C11orf87: variants seen among roughly 807,000 people sequenced by gnomAD.
C11orf87 encodes the protein chromosome 11 open reading frame 87.
Under a neutral mutation model 9.2 loss-of-function variants are expected in C11orf87, and 3 were observed. The ratio of observed to expected loss-of-function variants is 0.33; its 90% CI spans 0.15 to 0.84. The LOEUF (loss-of-function observed/expected upper bound fraction) is 0.84. C11orf87 is among the 40% of genes least tolerant of loss of function. The pLI, the probability that C11orf87 is intolerant of heterozygous loss-of-function variation, is 0.55. For synonymous variants in C11orf87, 124 were observed against 124.6 expected, an observed-to-expected ratio of 1.00 and a Z score of 0.03; for missense variants, 256 against 270.7, an observed-to-expected ratio of 0.95 and a Z score of 0.38.
Position 109,429,056 on chromosome 11 carries a change from A to T in C11orf87, c.*4829A>T, listed in dbSNP as rs1860608299. 1 of 152,208 alleles carries T rather than the reference A, an allele frequency of 6.6e-6. No individual in the cohort carries two copies. Among genetic ancestry groups the T allele is most frequent in the Non-Finnish European group, 1.5e-5 (1 of 68,020 alleles). 9.4% of individuals were successfully genotyped at this position (152,208 alleles called of 1,614,324 possible). On this transcript the variant is annotated 3_prime_UTR_variant, in exon 2 of 2. Transcript: ENST00000327419. Reference sequence around the variant, plus strand: ...ATCCAATAGATAGAAGAAAAAAGATATTAGAATTCATGGAAATTTTGTTTT... The same window carrying T: ...ATCCAATAGATAGAAGAAAAAAGATTTTAGAATTCATGGAAATTTTGTTTT...
In C11orf87 at chr11:109,423,484, G is replaced by T. The variant is rs1171745170; in HGVS notation, c.-150G>T. On this transcript the variant is annotated 5_prime_UTR_variant, in exon 2 of 2. Coordinates refer to ENST00000327419, the MANE Select transcript of C11orf87 (RefSeq NM_207645.4). The surrounding 1 kb of genome is among the most constrained non-coding windows in gnomAD (Gnocchi z 5.3). ...TTGGTCGCCTTGCTTGCCAGCAGTT[G>T]CTCCCTTAGTCCTTGGCTCGCTCGC... The T allele has an allele frequency of 6.6e-6, 5 of 756,536 alleles. No homozygotes were observed. Among genetic ancestry groups the T allele is most frequent in the South Asian group, 5.8e-5 (3 of 51,786 alleles). 46.9% of individuals were successfully genotyped at this position (756,536 alleles called of 1,614,324 possible). A position where few individuals can be genotyped will look rare whatever the true frequency, so the allele number is the denominator to read the frequency against.
Position 109,427,196 on chromosome 11 carries a change from TAC to T in C11orf87, c.*2972_*2973del. ...TCTCAACGTGGGCACACATCTGTAATACACTTTTATTGTGCAACTTTAAATGT... is the reference window on the plus strand; with the variant it reads ...TCTCAACGTGGGCACACATCTGTAATACTTTTATTGTGCAACTTTAAATGT... On this transcript the variant is annotated 3_prime_UTR_variant, in exon 2 of 2. Transcript: ENST00000327419. The T allele has an allele frequency of 6.6e-6, 1 of 152,346 alleles. No homozygotes were observed. The highest frequency in any genetic ancestry group is 2.4e-5 in the African/African-American group (1 of 41,594). The allele number at this position is 152,346 out of a possible 1,614,324, so 9.4% of individuals were successfully genotyped here. A position where few individuals can be genotyped will look rare whatever the true frequency, so the allele number is the denominator to read the frequency against.
At chr11:109,422,795 G>A (rs1860510384) in intron 1 of C11orf87, among the ~76,000 whole-genome samples, 1 of 146,598 alleles carries the variant, frequency 6.8e-6, no homozygotes, top group African/African-American at 2.5e-5. Context: ...GAGATGGAGC[G>A]CGTTCCTGCG....
At position 109,424,281 on chromosome 11, in the gene C11orf87, G is replaced by A; in HGVS notation, c.*54G>A. 2.8e-6 allele frequency: 4 copies of A among 1,436,564 alleles called. No homozygotes were observed. The highest frequency in any genetic ancestry group is 2.9e-6 in the Non-Finnish European group (3 of 1,042,278). 89.0% of individuals were successfully genotyped at this position (1,436,564 alleles called of 1,614,324 possible). ...CGTTTCCAGCATCTTTGCCACCCTTGCTTTTTTCCTTCTTCCTTCCTTTTC... is the reference window on the plus strand; with the variant it reads ...CGTTTCCAGCATCTTTGCCACCCTTACTTTTTTCCTTCTTCCTTCCTTTTC... On this transcript the variant is annotated 3_prime_UTR_variant, in exon 2 of 2. Transcript: ENST00000327419. The surrounding 1 kb of genome is among the most constrained non-coding windows in gnomAD (Gnocchi z 4.7).
chr11:109,423,494 T>A lies in C11orf87; in HGVS notation c.-140T>A. 1 of 860,206 alleles carries A rather than the reference T, an allele frequency of 1.2e-6. No individual in the cohort carries two copies. The highest frequency in any genetic ancestry group is 2.7e-5 in the East Asian group (1 of 37,468). 53.3% of individuals were successfully genotyped at this position (860,206 alleles called of 1,614,324 possible). A position where few individuals can be genotyped will look rare whatever the true frequency, so the allele number is the denominator to read the frequency against. ...TGCTTGCCAGCAGTTGCTCCCTTAG[T>A]CCTTGGCTCGCTCGCACACCCCCTC... On this transcript the variant is annotated 5_prime_UTR_variant, in exon 2 of 2. Transcript: ENST00000327419. The surrounding 1 kb of genome is among the most constrained non-coding windows in gnomAD (Gnocchi z 5.3).
Position 109,423,693 on chromosome 11 carries a change from G to T in C11orf87, c.60G>T (p.Arg20=), listed in dbSNP as rs757313106. 4 of 1,611,990 alleles carry T rather than the reference G, an allele frequency of 2.5e-6. No homozygotes were observed. Among genetic ancestry groups the T allele is most frequent in the Non-Finnish European group, 3.4e-6 (4 of 1,179,910 alleles). ...RLALPPCLLN[R]TFASPNASGS... ...CGTTGCCGCCGTGTCTCCTCAACCG[G>T]ACCTTTGCTTCCCCCAACGCCAGCG... is the stretch of plus-strand genomic sequence containing the variant. The change falls in exon 2 of 2, where the codon CGG becomes CGT. Residue 20 remains arginine, a synonymous_variant. Transcript: ENST00000327419. This position sits in a 1 kb window ranked among gnomAD's most constrained non-coding sequence, Gnocchi z 5.3.
Position 109,424,000 on chromosome 11 carries a change from C to T in C11orf87, c.367C>T (p.Pro123Ser). The T allele has an allele frequency of 6.2e-7, 1 of 1,613,946 alleles. No individual in the cohort carries two copies. Residue 123 changes from proline (P) to serine (S), a missense_variant, in exon 2 of 2, where the codon CCA becomes TCA. Coordinates refer to ENST00000327419, the MANE Select transcript of C11orf87 (RefSeq NM_207645.4). This position sits in a 1 kb window ranked among gnomAD's most constrained non-coding sequence, Gnocchi z 5.3. ...GCTGCCCCGACCTGGCAGGCAGGCC[C>T]CAACCCACGCAAAGGAAACCCGGCT... is the stretch of plus-strand genomic sequence containing the variant. Reference protein sequence around the residue: ...GGLPRPGRQAPTHAKETRLER... With the variant: ...GGLPRPGRQASTHAKETRLER...
At position 109,423,998 on chromosome 11, in the gene C11orf87, C is replaced by T. The variant is rs1440447198; in HGVS notation, c.365C>T (p.Ala122Val). Reference protein sequence around the residue: ...GGGLPRPGRQAPTHAKETRLE... With the variant: ...GGGLPRPGRQVPTHAKETRLE... Reference sequence around the variant, plus strand: ...GGGCTGCCCCGACCTGGCAGGCAGGCCCCAACCCACGCAAAGGAAACCCGG... The same window carrying T: ...GGGCTGCCCCGACCTGGCAGGCAGGTCCCAACCCACGCAAAGGAAACCCGG... The change falls in exon 2 of 2, where the codon GCC becomes GTC. Residue 122 changes from alanine to valine, a missense_variant. By Grantham distance (64) the Ala-to-Val change is moderately conservative. Transcript: ENST00000327419. The surrounding 1 kb of genome is among the most constrained non-coding windows in gnomAD (Gnocchi z 5.3). 6.2e-7 allele frequency: 1 copy of T among 1,613,868 alleles called. No individual in the cohort carries two copies. Among genetic ancestry groups the T allele is most frequent in the Admixed American group, 1.7e-5 (1 of 60,018 alleles).
In C11orf87 at chr11:109,425,538, T is replaced by A. The variant is rs1392867656; in HGVS notation, c.*1311T>A. 1.2e-5 allele frequency: 2 copies of A among 167,098 alleles called. No homozygotes were observed. The highest frequency in any genetic ancestry group is 4.8e-5 in the African/African-American group (2 of 41,470). 10.4% of individuals were successfully genotyped at this position (167,098 alleles called of 1,614,324 possible). ...TGGTGCAGACCTGGCTTCTGCTGTT[T>A]CCAGAAGTGTTCTTTTGTACCTTAT... On this transcript the variant is annotated 3_prime_UTR_variant, in exon 2 of 2. Coordinates refer to ENST00000327419, the MANE Select transcript of C11orf87 (RefSeq NM_207645.4).
At chr11:109,422,874 C>A (rs1161563002) in intron 1 of C11orf87, among the ~76,000 whole-genome samples, 4 of 151,418 alleles carry the variant, frequency 2.6e-5, no homozygotes, top group Non-Finnish European at 4.4e-5. Flanking sequence ...GGGAATGGGA[C>A]CCAAGGGATC....
In C11orf87 at chr11:109,423,941, G is replaced by C; in HGVS notation, c.308G>C (p.Arg103Pro). 1 of 1,614,128 alleles carries C rather than the reference G, an allele frequency of 6.2e-7. No homozygotes were observed. The highest frequency in any genetic ancestry group is 8.5e-7 in the Non-Finnish European group (1 of 1,179,964). Residue 103 changes from arginine (R) to proline (P), a missense_variant, in exon 2 of 2, where the codon CGG (arginine) becomes CCG (proline). Coordinates refer to ENST00000327419, the MANE Select transcript of C11orf87 (RefSeq NM_207645.4). The surrounding 1 kb of genome is among the most constrained non-coding windows in gnomAD (Gnocchi z 5.3). The part of the protein sequence containing the change: ...KMQRAQEEYE[R>P]DHCSGSRGGG... The stretch of plus-strand genomic sequence containing the variant: ...CAGAGGGCTCAGGAGGAATATGAGC[G>C]GGATCACTGCAGCGGCAGCCGCGGT...
rs745537999 is a variant in C11orf87 at position 109,423,940 on chromosome 11, C to T, written c.307C>T (p.Arg103Trp). The change falls in exon 2 of 2, where the codon CGG becomes TGG. Residue 103 changes from arginine (R) to tryptophan (W), a missense_variant. Coordinates refer to ENST00000327419, the MANE Select transcript of C11orf87 (RefSeq NM_207645.4). The surrounding 1 kb of genome is among the most constrained non-coding windows in gnomAD (Gnocchi z 5.3). ...KMQRAQEEYERDHCSGSRGGG... is the reference protein window; with the variant it reads ...KMQRAQEEYEWDHCSGSRGGG... ...GCAGAGGGCTCAGGAGGAATATGAG[C>T]GGGATCACTGCAGCGGCAGCCGCGG... 3.1e-6 allele frequency: 5 copies of T among 1,614,104 alleles called. No homozygotes were observed. Among genetic ancestry groups the T allele is most frequent in the Non-Finnish European group, 3.4e-6 (4 of 1,179,958 alleles).
intron 1 of C11orf87, among the ~76,000 whole-genome samples, chr11:109,422,872 G>A (rs1389862532): frequency 6.6e-6 from 1 of 151,778 alleles, no homozygotes; most frequent in African/African-American, 2.4e-5. Context: ...CTGGGAATGG[G>A]ACCCAAGGGA....
rs1860606723 is a variant in C11orf87 at position 109,428,956 on chromosome 11, G to C, written c.*4729G>C. Reference sequence around the variant, plus strand: ...CTTACAGTTGTGATTACAAGGGATTGTTTCTATAGAGAGATGAACAGCAAC... The same window carrying C: ...CTTACAGTTGTGATTACAAGGGATTCTTTCTATAGAGAGATGAACAGCAAC... On this transcript the variant is annotated 3_prime_UTR_variant, in exon 2 of 2. Transcript: ENST00000327419. 6.6e-6 allele frequency: 1 copy of C among 152,156 alleles called. No homozygotes were observed. Among genetic ancestry groups the C allele is most frequent in the Non-Finnish European group, 1.5e-5 (1 of 68,016 alleles). The allele number at this position is 152,156 out of a possible 1,614,324, so 9.4% of individuals were successfully genotyped here. A position where few individuals can be genotyped will look rare whatever the true frequency, so the allele number is the denominator to read the frequency against.
chr11:109,422,837 G>A (rs1860511269), intron 1 of C11orf87, among the ~76,000 whole-genome samples: 1 of 151,166 alleles, frequency 6.6e-6, no homozygotes, highest in East Asian at 2.0e-4. Flanking sequence ...GAGGCAGAGT[G>A]GGATGTGGTG....
Position 109,427,665 on chromosome 11 carries a change from A to G in C11orf87, c.*3438A>G, listed in dbSNP as rs1860591119. 6.6e-6 allele frequency: 1 copy of G among 152,134 alleles called. No individual in the cohort carries two copies. The highest frequency in any genetic ancestry group is 2.4e-5 in the African/African-American group (1 of 41,440). 9.4% of individuals were successfully genotyped at this position (152,134 alleles called of 1,614,324 possible). On this transcript the variant is annotated 3_prime_UTR_variant, in exon 2 of 2. Coordinates refer to ENST00000327419, the MANE Select transcript of C11orf87 (RefSeq NM_207645.4). ...CTACAGCTTAACTTCTGCACTTGCTATTCAGTATTAATAAGGTGGCATGCT... is the reference window on the plus strand; with the variant it reads ...CTACAGCTTAACTTCTGCACTTGCTGTTCAGTATTAATAAGGTGGCATGCT...
rs138005732 is a variant in C11orf87, at chr11:109,424,074, G to A, written c.441G>A (p.Ser147=). The A allele has an allele frequency of 2.5e-6, 4 of 1,613,914 alleles. No homozygotes were observed. Among genetic ancestry groups the A allele is most frequent in the Non-Finnish European group, 3.4e-6 (4 of 1,180,014 alleles). The change falls in exon 2 of 2, where the codon TCG becomes TCA. Residue 147 remains serine, a synonymous_variant. Transcript: ENST00000327419. The surrounding 1 kb of genome is among the most constrained non-coding windows in gnomAD (Gnocchi z 4.7). ...DSPFCAPSNA[S]SLSSSSPGLP... ...CCTTCTGCGCCCCTTCCAACGCCTC[G>A]TCGTTGTCCTCTTCGTCCCCTGGCC...
rs1860563475 is a variant in C11orf87, at chr11:109,425,669, G to T, written c.*1442G>T. 6.4e-6 allele frequency: 1 copy of T among 156,344 alleles called. No homozygotes were observed. Among genetic ancestry groups the T allele is most frequent in the Non-Finnish European group, 1.5e-5 (1 of 68,066 alleles). The allele number at this position is 156,344 out of a possible 1,614,324, so 9.7% of individuals were successfully genotyped here. A position where few individuals can be genotyped will look rare whatever the true frequency, so the allele number is the denominator to read the frequency against. ...AAACAAACAAATAATGGATGTGCAAGAATGCCATCTATTAAAAACATGGTT... is the reference window on the plus strand; with the variant it reads ...AAACAAACAAATAATGGATGTGCAATAATGCCATCTATTAAAAACATGGTT... On this transcript the variant is annotated 3_prime_UTR_variant, in exon 2 of 2. Transcript: ENST00000327419.
In C11orf87 at chr11:109,426,677, T is replaced by G. The variant is rs1860576857; in HGVS notation, c.*2450T>G. 6.6e-6 allele frequency: 1 copy of G among 152,188 alleles called. No homozygotes were observed. Among genetic ancestry groups the G allele is most frequent in the Admixed American group, 6.5e-5 (1 of 15,274 alleles). The allele number at this position is 152,188 out of a possible 1,614,324, so 9.4% of individuals were successfully genotyped here. A position where few individuals can be genotyped will look rare whatever the true frequency, so the allele number is the denominator to read the frequency against. On this transcript the variant is annotated 3_prime_UTR_variant, in exon 2 of 2. Coordinates refer to ENST00000327419, the MANE Select transcript of C11orf87 (RefSeq NM_207645.4). ...GTGCATCAGAGTTCTACACTGTACA[T>G]CAGAATGACTAAGGCACTGTGAAGA...
Sources: allele counts gnomAD v4.1 joint callset (sites outside exome capture counted in the v4.1 genomes callset), GRCh38; gene constraint gnomAD v4.1.1; non-coding constraint Gnocchi (gnomAD v3.1); transcripts MANE v1.5; gene names NCBI Gene and HGNC (gene_info 2026-07-23, HGNC 2026-07-21).